Variants in ZYG11A observed in about 807,000 individuals in gnomAD.
The protein encoded by ZYG11A is protein zyg-11 homolog A.
A neutral mutation model predicts 77.2 loss-of-function variants in ZYG11A; 62 were observed. That is an observed-to-expected ratio of 0.80 (90% CI 0.65 to 0.99). The LOEUF (loss-of-function observed/expected upper bound fraction) is 0.99. ZYG11A is among the 50% of genes least tolerant of loss of function. ZYG11A has a pLI of 0.00. For missense variants in ZYG11A, 828 were observed against 896.8 expected (o/e 0.92, Z 0.98); for synonymous variants, 315 against 324.6 (o/e 0.97, Z 0.32).
chr1:52,878,034 C>A, intron 10 of ZYG11A, 65 bp downstream of exon 10: 1 of 1,277,894 alleles, frequency 7.8e-7, no homozygotes, highest in Non-Finnish European at 1.1e-6. Context: ...TTATATAGTA[C>A]CTACTATATG....
chr1:52,881,268 T>G, intron 10 of ZYG11A: 1 of 457,662 alleles, frequency 2.2e-6, no homozygotes, highest in Non-Finnish European at 3.9e-6. Flanking sequence ...ACTTAGTAAG[T>G]ACTTATTTAG....
At chr1:52,891,957 T>C (rs1457521808) in intron 13 of ZYG11A, among the ~76,000 whole-genome samples, 1 of 151,658 alleles carries the variant, frequency 6.6e-6, no homozygotes, top group African/African-American at 2.4e-5. Flanking sequence ...TGGAGTGCAG[T>C]GGCGTGATCT....
intron 13 of ZYG11A, among the ~76,000 whole-genome samples, chr1:52,887,916 T>A (rs1046052553): frequency 6.6e-6 from 1 of 152,170 alleles, no homozygotes; most frequent in Non-Finnish European, 1.5e-5. Flanking sequence ...ATACAATTTT[T>A]CATTGTATTA....
At chr1:52,847,449 C>T (rs1332202949) in intron 1 of ZYG11A, among the ~76,000 whole-genome samples, 2 of 151,628 alleles carry the variant, frequency 1.3e-5, no homozygotes, top group Non-Finnish European at 2.9e-5. Flanking sequence ...ATCGGCCCGC[C>T]TTGGCCTCCC....
At chr1:52,857,895 T>TAAAAA in intron 3 of ZYG11A, 146 bp downstream of exon 3, 2 of 592,904 alleles carry the variant, frequency 3.4e-6, no homozygotes, top group Non-Finnish European at 5.5e-6. Context: ...TAATGATTAT[T>TAAAAA]ATGTACCTAC....
At chr1:52,870,125 T>G (rs12745680) in intron 8 of ZYG11A, among the ~76,000 whole-genome samples, 1 of 132,438 alleles carries the variant, frequency 7.6e-6, no homozygotes, top group South Asian at 2.6e-4. Flanking sequence ...GGGCAGAGGC[T>G]CTCCCCACAT....
At chr1:52,865,928 A>G (rs1293125653) in intron 5 of ZYG11A, among the ~76,000 whole-genome samples, 5 of 146,254 alleles carry the variant, frequency 3.4e-5, no homozygotes. Flanking sequence ...TACTTTGTAA[A>G]GGGAGTTTTT....
At chr1:52,878,863 T>TGGGAGGTAGA (rs1646308244) in intron 10 of ZYG11A, among the ~76,000 whole-genome samples, 1 of 143,790 alleles carries the variant, frequency 7.0e-6, no homozygotes, top group South Asian at 2.2e-4. Flanking sequence ...TGCTTGAACC[T>TGGGAGGTAGA]GGGAGGTAGA....
intron 1 of ZYG11A, among the ~76,000 whole-genome samples, chr1:52,853,441 G>A (rs1275477202): frequency 1.3e-5 from 2 of 152,144 alleles, no homozygotes; most frequent in Non-Finnish European, 2.9e-5. Flanking sequence ...TATTTTTTGA[G>A]TGAATGACCA....
chr1:52,861,792 C>G (rs1358065718), intron 4 of ZYG11A, among the ~76,000 whole-genome samples: 1 of 152,084 alleles, frequency 6.6e-6, no homozygotes, highest in African/African-American at 2.4e-5. Context: ...TGGCTCATGC[C>G]TGTAATCCCA....
chr1:52,887,067 A>T lies in ZYG11A; in HGVS notation c.2104+14A>T. On this transcript the variant is annotated intron_variant, in intron 13 of 13. Transcript: ENST00000371528. ...GCAGTAAAAATCGTATGTATTCAAC[A>T]TATATTCAAAACATAATAGTTTTCC... 7.4e-7 allele frequency: 1 copy of T among 1,359,026 alleles called. No individual in the cohort carries two copies. The highest frequency in any genetic ancestry group is 1.4e-5 in the South Asian group (1 of 72,706). 84.2% of individuals were successfully genotyped at this position (1,359,026 alleles called of 1,614,324 possible).
chr1:52,881,867 C>CTTT, intron 11 of ZYG11A: 1 of 369,386 alleles, frequency 2.7e-6, no homozygotes, highest in South Asian at 5.7e-5. Flanking sequence ...TTCTCATCAG[C>CTTT]TTTTTTTTTT....
rs940777326 is a variant in ZYG11A at position 52,867,587 on chromosome 1, C to T, written c.1440C>T (p.Asn480=). 6.4e-7 allele frequency: 1 copy of T among 1,552,178 alleles called. No individual in the cohort carries two copies. Among genetic ancestry groups the T allele is most frequent in the African/African-American group, 1.4e-5 (1 of 73,034 alleles). ...TGAGATGGCTCTGTAAGCATGAAAA[C>T]CCCAAGATGCAAACAATGGCAGTGA... The part of the protein sequence containing the change: ...FVMRWLCKHE[N]PKMQTMAVSV... The change falls in exon 7 of 14, where the codon AAC becomes AAT. Residue 480 remains asparagine (N), a synonymous_variant. Transcript: ENST00000371528.
At chr1:52,876,396 G>T (rs1646261730) in intron 8 of ZYG11A, among the ~76,000 whole-genome samples, 2 of 152,248 alleles carry the variant, frequency 1.3e-5, no homozygotes, top group South Asian at 4.1e-4. Flanking sequence ...GTTGCTGGGA[G>T]GGGTAACAGG....
intron 11 of ZYG11A, among the ~76,000 whole-genome samples, chr1:52,883,594 C>T (rs1646397469): frequency 6.6e-6 from 1 of 151,056 alleles, no homozygotes. Context: ...ACCTAGCTAA[C>T]TTTTGTACTT....
chr1:52,882,153 A>C (rs1219669257), intron 11 of ZYG11A, among the ~76,000 whole-genome samples: 1 of 152,204 alleles, frequency 6.6e-6, no homozygotes, highest in Non-Finnish European at 1.5e-5. Flanking sequence ...TTGGCCTCCC[A>C]AAGTGCTGGG....
At chr1:52,869,564 A>G (rs1646101203) in intron 8 of ZYG11A, among the ~76,000 whole-genome samples, 1 of 151,850 alleles carries the variant, frequency 6.6e-6, no homozygotes. Flanking sequence ...GTTGGGGGTA[A>G]GGTCATAGAT....
intron 1 of ZYG11A, among the ~76,000 whole-genome samples, chr1:52,853,846 C>A (rs1645758838): frequency 6.6e-6 from 1 of 152,108 alleles, no homozygotes; most frequent in Admixed American, 6.6e-5. Flanking sequence ...GTCAAAGTTG[C>A]ATTCGGCTGT....
rs530630416 is a variant in ZYG11A, at chr1:52,884,213, G to A, written c.1945-1620G>A. Among the ~76,000 whole-genome samples, 5 of 151,688 alleles carry A rather than the reference G, an allele frequency of 3.3e-5. No individual in the cohort carries two copies. In the East Asian group the frequency reaches 7.8e-4, roughly 24 times the overall value. The stretch of plus-strand genomic sequence containing the variant: ...AAATTAAAAAAAAAATTAGCTGGGC[G>A]TGGCCGGGCACGGTGGCTCACGCCT... On this transcript the variant is annotated intron_variant, in intron 11 of 13. Transcript: ENST00000371528.
Sources: allele counts gnomAD v4.1 joint callset (sites outside exome capture counted in the v4.1 genomes callset), GRCh38; gene constraint gnomAD v4.1.1; transcripts MANE v1.5; gene names NCBI Gene and HGNC (gene_info 2026-07-23, HGNC 2026-07-21).